Variants in AGAP1 observed in about 807,000 individuals in gnomAD.
AGAP1 encodes the protein arf-GAP with GTPase, ANK repeat and PH domain-containing protein 1.
In AGAP1, 29 loss-of-function variants were observed where a neutral mutation model predicts 105.3. The observed-to-expected ratio is 0.28, with a 90% CI of 0.21 to 0.38. The LOEUF (loss-of-function observed/expected upper bound fraction) is 0.38, where lower values mean the gene tolerates loss of function less well. AGAP1 is among the 10% of genes least tolerant of loss of function. The pLI is 1.00. For synonymous variants in AGAP1, 509 were observed against 485.9 expected, an observed-to-expected ratio of 1.05 and a Z score of -0.63; for missense variants, 998 against 1,165.1, an observed-to-expected ratio of 0.86 and a Z score of 2.09.
chr2:236,001,287 A>G lies in AGAP1; in HGVS notation c.1645+32664A>G, dbSNP rs1267245450. On this transcript the variant is annotated intron_variant, in intron 13 of 17. Transcript: ENST00000304032. This position sits in a 1 kb window ranked among gnomAD's most constrained non-coding sequence, Gnocchi z 4.7. ...GGCATGGCCTTCAGGCCTCCGAGGA[A>G]CCCAGAGGAGGAAACGCATTTTTGT... Among the ~76,000 whole-genome samples, 3 of 152,144 alleles carry G rather than the reference A, an allele frequency of 2.0e-5. No individual in the cohort carries two copies. The highest frequency in any genetic ancestry group is 7.2e-5 in the African/African-American group (3 of 41,436).
intron 1 of AGAP1, among the ~76,000 whole-genome samples, chr2:235,567,113 C>G (rs1280900110): frequency 6.6e-6 from 1 of 152,214 alleles, no homozygotes; most frequent in Non-Finnish European, 1.5e-5. Flanking sequence ...GTGGACCTCT[C>G]CCACAGGTCT....
At chr2:235,946,980 C>CT (rs1250748829) in intron 12 of AGAP1, among the ~76,000 whole-genome samples, 2 of 152,192 alleles carry the variant, frequency 1.3e-5, no homozygotes, top group Admixed American at 6.5e-5. Flanking sequence ...CAGTCACCTT[C>CT]TGACAGCCTT....
chr2:235,742,697 C>T (rs971247029), intron 4 of AGAP1, among the ~76,000 whole-genome samples: 1 of 151,860 alleles, frequency 6.6e-6, no homozygotes, highest in African/African-American at 2.4e-5. Flanking sequence ...GGCAAGGTCC[C>T]TCCTGTGGCT....
At chr2:235,653,122 A>T (rs958363761) in intron 1 of AGAP1, among the ~76,000 whole-genome samples, 2 of 152,126 alleles carry the variant, frequency 1.3e-5, no homozygotes, top group Admixed American at 6.5e-5. Flanking sequence ...GCTGCATTGT[A>T]AAGAGGAAAT....
intron 1 of AGAP1, among the ~76,000 whole-genome samples, chr2:235,587,135 A>G (rs1574908545): frequency 6.6e-6 from 1 of 152,224 alleles, no homozygotes; most frequent in Non-Finnish European, 1.5e-5. Flanking sequence ...AAACAGAAAC[A>G]TGGTGGTGAT....
intron 9 of AGAP1, among the ~76,000 whole-genome samples, chr2:235,811,358 A>G (rs6748919): frequency 0.99 from 150,871 of 152,360 alleles, 74,695 homozygotes; most frequent in African/African-American, 1. Context: ...TTTGAAAATC[A>G]TGCTCAGTTT....
At chr2:235,947,502 C>T (rs971596692) in intron 12 of AGAP1, among the ~76,000 whole-genome samples, 4 of 152,124 alleles carry the variant, frequency 2.6e-5, no homozygotes, top group Non-Finnish European at 4.4e-5. Context: ...GGGCTGGTTC[C>T]GTATTTTTGC....
rs116398442 is a variant in AGAP1 at position 235,525,162 on chromosome 2, G to A, written c.163+30313G>A. Among the ~76,000 whole-genome samples, 337 of 152,242 alleles carry A rather than the reference G, an allele frequency of 2.2e-3. 1 individual carries two copies. Among genetic ancestry groups the A allele is most frequent in the African/African-American group, 7.7e-3 (318 of 41,544 alleles). Reference sequence around the variant, plus strand: ...TAATGTTAAATTTGTATTGTATGTCGGTGCCTCTTTTGAAACTGGAGATAT... The same window carrying A: ...TAATGTTAAATTTGTATTGTATGTCAGTGCCTCTTTTGAAACTGGAGATAT... On this transcript the variant is annotated intron_variant, in intron 1 of 17. Coordinates refer to ENST00000304032, the MANE Select transcript of AGAP1 (RefSeq NM_001037131.3).
At chr2:235,840,840 A>G (rs1960746786) in intron 9 of AGAP1, among the ~76,000 whole-genome samples, 1 of 151,498 alleles carries the variant, frequency 6.6e-6, no homozygotes, top group African/African-American at 2.4e-5. Context: ...AGAAATAGCC[A>G]TTGAAGACAT....
chr2:236,086,018 T>C (rs2058919373), intron 16 of AGAP1, among the ~76,000 whole-genome samples: 1 of 152,280 alleles, frequency 6.6e-6, no homozygotes, highest in Non-Finnish European at 1.5e-5. Flanking sequence ...ATCTGTTCCA[T>C]TGACTGCATT....
intron 13 of AGAP1, among the ~76,000 whole-genome samples, chr2:235,986,126 G>A (rs931061248): frequency 6.6e-6 from 1 of 151,904 alleles, no homozygotes; most frequent in Non-Finnish European, 1.5e-5. Flanking sequence ...CCATATTTTT[G>A]TGTCCTCTCT....
At chr2:236,007,670 A>G (rs112480404) in intron 13 of AGAP1, among the ~76,000 whole-genome samples, 24 of 152,376 alleles carry the variant, frequency 1.6e-4, no homozygotes, top group African/African-American at 5.8e-4. Flanking sequence ...GGCCTGCAAT[A>G]TATTCTGTTA....
At position 235,893,238 on chromosome 2, in the gene AGAP1, C is replaced by A. The variant is rs567892001; in HGVS notation, c.1155+9789C>A. ...TCATAATGAAGCACCATGTCTGTAG[C>A]GCGGGTGTGCCATGTCCATCATAAG... On this transcript the variant is annotated intron_variant, in intron 10 of 17. Coordinates refer to ENST00000304032, the MANE Select transcript of AGAP1 (RefSeq NM_001037131.3). The surrounding 1 kb of genome is among the most constrained non-coding windows in gnomAD (Gnocchi z 4.7). Among the ~76,000 whole-genome samples, 1 of 149,134 alleles carries A rather than the reference C, an allele frequency of 6.7e-6. No individual in the cohort carries two copies. Among genetic ancestry groups the A allele is most frequent in the Non-Finnish European group, 1.5e-5 (1 of 67,392 alleles).
At chr2:235,500,365 A>G (rs1399353788) in intron 1 of AGAP1, among the ~76,000 whole-genome samples, 1 of 151,810 alleles carries the variant, frequency 6.6e-6, no homozygotes, top group Non-Finnish European at 1.5e-5. Flanking sequence ...CCGAGTTTCT[A>G]GTTCTGTGGG....
rs976867646 is a variant in AGAP1 at position 236,120,668 on chromosome 2, T to A, written c.2370+221T>A. Among the ~76,000 whole-genome samples the A allele has an allele frequency of 6.6e-6, 1 of 152,250 alleles. No homozygotes were observed. The highest frequency in any genetic ancestry group is 1.5e-5 in the Non-Finnish European group (1 of 68,044). ...CTAGAGTTTCTGAAAATTGCAACTT[T>A]GTGATTGCCCCTTATCAAGCAGGGT... is the stretch of plus-strand genomic sequence containing the variant. On this transcript the variant is annotated intron_variant, in intron 17 of 17. Coordinates refer to ENST00000304032, the MANE Select transcript of AGAP1 (RefSeq NM_001037131.3). The surrounding 1 kb of genome is among the most constrained non-coding windows in gnomAD (Gnocchi z 6.0).
Position 236,040,103 on chromosome 2 carries a change from A to G in AGAP1, c.1801-648A>G, listed in dbSNP as rs1329474011. ...CCCAGCCTCAGCCACAGAGCGAGAC[A>G]CTGGCTCAAAAAATAATAATAATAA... On this transcript the variant is annotated intron_variant, in intron 14 of 17. Coordinates refer to ENST00000304032, the MANE Select transcript of AGAP1 (RefSeq NM_001037131.3). The surrounding 1 kb of genome is among the most constrained non-coding windows in gnomAD (Gnocchi z 5.6). 6.6e-6 allele frequency among the ~76,000 whole-genome samples: 1 copy of G among 152,142 alleles called. No individual in the cohort carries two copies. Among genetic ancestry groups the G allele is most frequent in the Non-Finnish European group, 1.5e-5 (1 of 68,026 alleles).
chr2:235,953,289 C>T lies in AGAP1; in HGVS notation c.1484-15173C>T, dbSNP rs1310886501. 1.3e-5 allele frequency among the ~76,000 whole-genome samples: 2 copies of T among 152,108 alleles called. No individual in the cohort carries two copies. The highest frequency in any genetic ancestry group is 2.4e-5 in the African/African-American group (1 of 41,410). ...TTTGATTTAACCCCCAAAAAAGTAC[C>T]CCGATGGTTCCCACAGTTGCCTTCT... On this transcript the variant is annotated intron_variant, in intron 12 of 17. Transcript: ENST00000304032. The surrounding 1 kb of genome is among the most constrained non-coding windows in gnomAD (Gnocchi z 5.2).
At chr2:235,759,201 C>G (rs1230582047) in intron 6 of AGAP1, among the ~76,000 whole-genome samples, 2 of 140,196 alleles carry the variant, frequency 1.4e-5, no homozygotes, top group Non-Finnish European at 3.0e-5. Context: ...TGGAGTCTCG[C>G]TCTGTCACCC....
chr2:235,807,179 AG>A, intron 8 of AGAP1, 59 bp from the exon 9 acceptor site: 2 of 1,525,038 alleles, frequency 1.3e-6, no homozygotes, highest in South Asian at 2.4e-5. Context: ...AAACAGGGGC[AG>A]AGCCCCGTCT....
Sources: allele counts gnomAD v4.1 joint callset (sites outside exome capture counted in the v4.1 genomes callset), GRCh38; gene constraint gnomAD v4.1.1; non-coding constraint Gnocchi (gnomAD v3.1); transcripts MANE v1.5; gene names NCBI Gene and HGNC (gene_info 2026-07-23, HGNC 2026-07-21).